Variants in STYK1 observed in about 807,000 individuals in gnomAD.
STYK1 encodes tyrosine-protein kinase STYK1.
STYK1 carries 46 observed loss-of-function variants against 48.1 expected under a neutral mutation model. The ratio of observed to expected loss-of-function variants is 0.96; its 90% confidence interval spans 0.75 to 1.22. The LOEUF is 1.22. Among genes scored for constraint, STYK1 ranks in the 50% most tolerant of loss-of-function variants. STYK1 has a pLI of 0.00. For missense variants in STYK1, 527 were observed against 521.1 expected, an observed-to-expected ratio of 1.01 and a Z score of -0.11; for synonymous variants, 188 against 189.0, an observed-to-expected ratio of 0.99 and a Z score of 0.04.
intron 7 of STYK1, among the ~76,000 whole-genome samples, chr12:10,625,327 T>C (rs1036722831): frequency 3.2e-4 from 49 of 152,234 alleles, no homozygotes; most frequent in African/African-American, 1.0e-3. Context: ...ATGCCATTCT[T>C]CTGCCTCAGC....
At chr12:10,633,277 A>AT (rs1340902076) in intron 4 of STYK1, among the ~76,000 whole-genome samples, 3 of 152,182 alleles carry the variant, frequency 2.0e-5, no homozygotes, top group Non-Finnish European at 4.4e-5. Flanking sequence ...TGAAAACCTT[A>AT]TTTTAGTGTG....
At chr12:10,636,653 A>C (rs555473608) in intron 2 of STYK1, among the ~76,000 whole-genome samples, 74 of 152,326 alleles carry the variant, frequency 4.9e-4, no homozygotes, top group Middle Eastern at 3.4e-3. Flanking sequence ...GGCTATTAGA[A>C]AAGTGATCAC....
At chr12:10,655,719 T>C (rs1244004538) in intron 1 of STYK1, among the ~76,000 whole-genome samples, 6 of 152,184 alleles carry the variant, frequency 3.9e-5, no homozygotes, top group Non-Finnish European at 8.8e-5. Context: ...ATAACCTTAG[T>C]GAAAGCTTAC....
chr12:10,665,929 T>C (rs1021113766), intron 1 of STYK1, among the ~76,000 whole-genome samples: 1 of 152,184 alleles, frequency 6.6e-6, no homozygotes, highest in African/African-American at 2.4e-5. Context: ...TGGGCTGGAT[T>C]TGTGGAATCT....
At chr12:10,665,805 C>T (rs1294491594) in intron 1 of STYK1, among the ~76,000 whole-genome samples, 1 of 152,182 alleles carries the variant, frequency 6.6e-6, no homozygotes, top group East Asian at 1.9e-4. Flanking sequence ...AGAACTCACT[C>T]TGACTTATAC....
chr12:10,657,564 G>A (rs973888993), intron 1 of STYK1, among the ~76,000 whole-genome samples: 7 of 152,286 alleles, frequency 4.6e-5, no homozygotes, highest in Admixed American at 4.6e-4. Context: ...TCTAAATTAG[G>A]CAGATCAGAT....
At chr12:10,645,472 A>G (rs1441389515) in intron 1 of STYK1, among the ~76,000 whole-genome samples, 3 of 152,150 alleles carry the variant, frequency 2.0e-5, no homozygotes, top group Admixed American at 6.5e-5. Flanking sequence ...TCTAAAAAAA[A>G]CAAAGCAAAG....
chr12:10,651,370 C>T (rs538450060), intron 1 of STYK1, among the ~76,000 whole-genome samples: 1 of 152,200 alleles, frequency 6.6e-6, no homozygotes, highest in Admixed American at 6.5e-5. Context: ...TCCAGTATAC[C>T]CACCTCTCCT....
At chr12:10,652,720 AG>A (rs1947675195) in intron 1 of STYK1, among the ~76,000 whole-genome samples, 2 of 116,052 alleles carry the variant, frequency 1.7e-5, no homozygotes, top group South Asian at 6.7e-4. Flanking sequence ...CACTACTTAT[AG>A]TTCTTAGAAA....
intron 7 of STYK1, among the ~76,000 whole-genome samples, chr12:10,626,839 T>C (rs987980310): frequency 1.3e-5 from 2 of 152,008 alleles, no homozygotes; most frequent in African/African-American, 4.8e-5. Context: ...ACCCCGTCTC[T>C]ACTAAAAATA....
At chr12:10,663,407 T>C (rs1335539645) in intron 1 of STYK1, among the ~76,000 whole-genome samples, 3 of 151,648 alleles carry the variant, frequency 2.0e-5, no homozygotes, top group Admixed American at 2.0e-4. Flanking sequence ...GGTCGGGAGA[T>C]CGAGACCACA....
At chr12:10,660,612 C>A (rs1947766536) in intron 1 of STYK1, among the ~76,000 whole-genome samples, 2 of 32,486 alleles carry the variant, frequency 6.2e-5, no homozygotes, top group Admixed American at 5.4e-4. Flanking sequence ...GCCCAAGATA[C>A]AGGTCACAGT....
rs888996426 is a variant in STYK1 at position 10,636,258 on chromosome 12, T to C, written c.-69+813A>G. 3.3e-5 allele frequency among the ~76,000 whole-genome samples: 5 copies of C among 152,176 alleles called. No individual in the cohort carries two copies. In the East Asian group the frequency reaches 9.6e-4, roughly 29 times the overall value. The stretch of plus-strand genomic sequence containing the variant: ...CCACTCTTCCTGGAGCACCATGAAC[T>C]TGTATATGGGTTTAATAGTTAAACA... On this transcript the variant is annotated intron_variant, in intron 2 of 10. Transcript: ENST00000075503.
rs557607265 is a variant in STYK1, at chr12:10,649,355, T to G, written c.-194-12159A>C. Among the ~76,000 whole-genome samples the G allele has an allele frequency of 8.5e-5, 13 of 152,340 alleles. No homozygotes were observed. The South Asian group carries it at 1.7e-3, about 19-fold the overall frequency. ...AATTTTCATCAAAAGGAGGGATGTT[T>G]CAAATTATTTTTATACAGTTGGACC... On this transcript the variant is annotated intron_variant, in intron 1 of 10. Transcript: ENST00000075503.
At chr12:10,627,607 T>C in intron 7 of STYK1, 34 bp downstream of exon 7, 1 of 1,576,382 alleles carries the variant, frequency 6.3e-7, no homozygotes, top group Non-Finnish European at 8.7e-7. Context: ...CAAGGAAACG[T>C]CACACCATCA....
chr12:10,670,096 C>T (rs7977694), intron 1 of STYK1, among the ~76,000 whole-genome samples: 57,581 of 151,988 alleles, frequency 0.38, 10,995 homozygotes, highest in East Asian at 0.51. Context: ...AAGTAAACTA[C>T]TATATGATCC....
rs772701157 is a variant in STYK1, at chr12:10,624,791, A to T, written c.786T>A (p.Asp262Glu). ...CTAATCCACAGAGCTTAGCAGTGAG[A>T]TCACTTTGCATCAGAATATTCCTGG... ...VAARNILMQS[D>E]LTAKLCGLGL... Residue 262 changes from aspartate to glutamate, a missense_variant, in exon 8 of 11, where the codon GAT becomes GAA. By Grantham distance (45) the Asp-to-Glu change is conservative. Transcript: ENST00000075503. The T allele has an allele frequency of 4.5e-5, 73 of 1,614,024 alleles. No homozygotes were observed. Among genetic ancestry groups the T allele is most frequent in the Middle Eastern group, 1.6e-4 (1 of 6,084 alleles).
intron 1 of STYK1, among the ~76,000 whole-genome samples, chr12:10,664,024 C>T (rs533651737): frequency 2.6e-5 from 4 of 152,158 alleles, no homozygotes; most frequent in African/African-American, 9.7e-5. Context: ...TGTTCTGTCT[C>T]CGAAAGAATC....
chr12:10,637,835 T>C (rs1201007161), intron 1 of STYK1, among the ~76,000 whole-genome samples: 1 of 152,192 alleles, frequency 6.6e-6, no homozygotes, highest in Non-Finnish European at 1.5e-5. Flanking sequence ...TGGCTTTGCC[T>C]GTCCACTCTG....
Sources: allele counts gnomAD v4.1 joint callset (sites outside exome capture counted in the v4.1 genomes callset), GRCh38; gene constraint gnomAD v4.1.1; transcripts MANE v1.5; gene names NCBI Gene and HGNC (gene_info 2026-07-23, HGNC 2026-07-21).